IGSF11: variants seen among roughly 807,000 people sequenced by gnomAD.
The protein encoded by IGSF11 is CXADR like 1.
In IGSF11, 22 loss-of-function variants were observed where a neutral mutation model predicts 41.0. That is an observed-to-expected ratio of 0.54 (90% CI 0.38 to 0.77). The LOEUF is 0.77. Among genes scored for constraint, IGSF11 ranks in the 30% least tolerant of loss-of-function variants. IGSF11 has a pLI of 0.00. For missense variants in IGSF11, 444 were observed against 530.8 expected, an observed-to-expected ratio of 0.84 and a Z score of 1.61; for synonymous variants, 219 against 201.3, an observed-to-expected ratio of 1.09 and a Z score of -0.74.
chr3:118,985,443 G>A (rs1021596723), intron 1 of IGSF11, among the ~76,000 whole-genome samples: 1 of 152,182 alleles, frequency 6.6e-6, no homozygotes, highest in Non-Finnish European at 1.5e-5. Flanking sequence ...CATCAGTGAA[G>A]ACTAATGTTC....
chr3:118,953,984 C>T (rs897331042), intron 1 of IGSF11, among the ~76,000 whole-genome samples: 3 of 151,942 alleles, frequency 2.0e-5, no homozygotes, highest in Non-Finnish European at 1.5e-5. Context: ...CCTAAGCCAA[C>T]GTCTAGAAAG....
chr3:118,963,623 C>T (rs1251445468), intron 1 of IGSF11, among the ~76,000 whole-genome samples: 2 of 152,020 alleles, frequency 1.3e-5, no homozygotes, highest in Non-Finnish European at 2.9e-5. Flanking sequence ...TTTAGTAGTA[C>T]TGAAGTGCTA....
chr3:119,036,584 A>G (rs2107744262), upstream of IGSF11, among the ~76,000 whole-genome samples: 1 of 152,288 alleles, frequency 6.6e-6, no homozygotes, highest in South Asian at 2.1e-4. Context: ...ATAACCTAAT[A>G]ATCTGAGCTT....
At chr3:118,980,968 C>G (rs1934654860) in intron 1 of IGSF11, among the ~76,000 whole-genome samples, 1 of 152,018 alleles carries the variant, frequency 6.6e-6, no homozygotes, top group South Asian at 2.1e-4. Flanking sequence ...ACTCATTTCC[C>G]AGGAATCAAA....
chr3:119,050,087 G>A (rs1206377318), intron 1 of IGSF11, among the ~76,000 whole-genome samples: 3 of 149,064 alleles, frequency 2.0e-5, no homozygotes, highest in African/African-American at 4.9e-5. Context: ...ACATAGGCAT[G>A]GGCAAGGACT....
chr3:119,137,711 T>G (rs976025452), intron 1 of IGSF11, among the ~76,000 whole-genome samples: 1 of 151,990 alleles, frequency 6.6e-6, no homozygotes, highest in Non-Finnish European at 1.5e-5. Context: ...AATGGACAAA[T>G]TGGATAACAT....
intron 1 of IGSF11, among the ~76,000 whole-genome samples, chr3:118,990,931 G>A (rs772881955): frequency 8.5e-5 from 13 of 152,192 alleles, no homozygotes; most frequent in Non-Finnish European, 1.6e-4. Flanking sequence ...TTCCTGAAAT[G>A]TTCCCAAGGA....
chr3:119,103,392 T>C (rs189041550), intron 1 of IGSF11, among the ~76,000 whole-genome samples: 1 of 152,240 alleles, frequency 6.6e-6, no homozygotes, highest in East Asian at 1.9e-4. Flanking sequence ...TCTTTTTTTT[T>C]TTATACTTAT....
chr3:119,073,373 C>T (rs1173072932), intron 1 of IGSF11, among the ~76,000 whole-genome samples: 3 of 152,204 alleles, frequency 2.0e-5, no homozygotes, highest in Non-Finnish European at 4.4e-5. Flanking sequence ...GGCAGAGCTG[C>T]CTGCCAGTCC....
chr3:119,034,563 G>C lies in IGSF11; in HGVS notation c.20C>G (p.Pro7Arg). 1 of 1,592,934 alleles carries C rather than the reference G, an allele frequency of 6.3e-7. No homozygotes were observed. MTSQRS[P>R]LAPLLLLSLH... ...AGAGAGGAGCAGCAAAGGCGCCAGA[G>C]GGGAACGCTGAGAAGTCATCCCGGG... is the stretch of plus-strand genomic sequence containing the variant. Residue 7 changes from proline (P) to arginine (R), a missense_variant, in exon 1 of 7, where the codon CCT becomes CGT. By Grantham distance (103) the Pro-to-Arg change is moderately radical (BLOSUM62 -2). Coordinates refer to ENST00000393775, the MANE Select transcript of IGSF11 (RefSeq NM_001015887.3).
At chr3:118,908,512 G>A (rs1000509786) in intron 4 of IGSF11, among the ~76,000 whole-genome samples, 6 of 152,192 alleles carry the variant, frequency 3.9e-5, no homozygotes, top group African/African-American at 1.4e-4. Context: ...AAAACTAGCA[G>A]GCTAATTCTG....
In IGSF11 at chr3:119,128,714, T is replaced by C. The variant is rs138425889; in HGVS notation, c.-14+17099A>G. The stretch of plus-strand genomic sequence containing the variant: ...AGAAAAGCTAACTATTCTGAATATA[T>C]AGGAGTGTAAATTAGTTCAACCATT... On this transcript the variant is annotated intron_variant, in intron 1 of 7. Coordinates refer to the IGSF11 transcript ENST00000425327. Among the ~76,000 whole-genome samples the C allele has an allele frequency of 3.6e-3, 551 of 152,260 alleles. 2 individuals carry two copies. The highest frequency in any genetic ancestry group is 0.012 in the African/African-American group (514 of 41,528).
At chr3:118,950,559 C>T (rs1427435879) in intron 1 of IGSF11, among the ~76,000 whole-genome samples, 1 of 151,868 alleles carries the variant, frequency 6.6e-6, no homozygotes, top group African/African-American at 2.4e-5. Context: ...TACACACACG[C>T]AAACATATAT....
At chr3:119,098,638 A>G (rs933270874) in intron 1 of IGSF11, among the ~76,000 whole-genome samples, 1 of 152,240 alleles carries the variant, frequency 6.6e-6, no homozygotes, top group African/African-American at 2.4e-5. Flanking sequence ...GCTTTACTAA[A>G]CTTAAAAGCC....
intron 1 of IGSF11, among the ~76,000 whole-genome samples, chr3:119,125,468 C>G (rs1037846033): frequency 6.6e-6 from 1 of 151,920 alleles, no homozygotes; most frequent in African/African-American, 2.4e-5. Context: ...ATGGACGTTA[C>G]AAAGTATATT....
intron 1 of IGSF11, among the ~76,000 whole-genome samples, chr3:119,029,173 T>TACACACACACACAC (rs66598029): frequency 0.035 from 3,940 of 111,492 alleles, 152 homozygotes; most frequent in Admixed American, 0.08. Context: ...TTGGGGATAA[T>TACACACACACACAC]ACACACACAC....
chr3:118,982,745 C>T (rs1045407651), intron 1 of IGSF11, among the ~76,000 whole-genome samples: 2 of 152,108 alleles, frequency 1.3e-5, no homozygotes, highest in Non-Finnish European at 2.9e-5. Flanking sequence ...AATGACCCCT[C>T]GACAGTTTGT....
At chr3:118,923,018 C>G (rs1194101885) in intron 4 of IGSF11, among the ~76,000 whole-genome samples, 1 of 152,100 alleles carries the variant, frequency 6.6e-6, no homozygotes, top group African/African-American at 2.4e-5. Context: ...TCCTTAAACA[C>G]TTTAATGCAG....
At chr3:119,003,725 T>A (rs1429812339) in intron 1 of IGSF11, among the ~76,000 whole-genome samples, 1 of 151,970 alleles carries the variant, frequency 6.6e-6, no homozygotes, top group Non-Finnish European at 1.5e-5. Context: ...GATAATCATG[T>A]GGTTTTTGTC....
Sources: allele counts gnomAD v4.1 joint callset (sites outside exome capture counted in the v4.1 genomes callset), GRCh38; gene constraint gnomAD v4.1.1; transcripts MANE v1.5; gene names NCBI Gene and HGNC (gene_info 2026-07-23, HGNC 2026-07-21).